C9: variants seen among roughly 807,000 people sequenced by gnomAD.
C9 encodes complement C9.
In C9, 63 loss-of-function variants were observed where a neutral mutation model predicts 65.4. That is an observed-to-expected ratio of 0.96 (90% confidence interval 0.79 to 1.19). The LOEUF (loss-of-function observed/expected upper bound fraction) is 1.19. Ranked by LOEUF, C9 falls within the 50% of genes most tolerant of loss-of-function variation. C9 has a pLI of 0.00. For synonymous variants in C9, 229 were observed against 227.9 expected (o/e 1.00, Z -0.04); for missense variants, 744 against 670.1 (o/e 1.11, Z -1.22).
intron 9 of C9, among the ~76,000 whole-genome samples, chr5:39,304,546 A>G (rs1434141323): frequency 6.6e-6 from 1 of 152,164 alleles, no homozygotes; most frequent in Non-Finnish European, 1.5e-5. Flanking sequence ...AAATTTAACT[A>G]TATCTCATGT....
chr5:39,308,232 GCTCTACC>G lies in C9; in HGVS notation c.1231_1237del (p.Gly411LeufsTer2). 1 of 1,613,036 alleles carries G rather than the reference GCTCTACC, an allele frequency of 6.2e-7. No individual in the cohort carries two copies. Among genetic ancestry groups the G allele is most frequent in the Non-Finnish European group, 8.5e-7 (1 of 1,179,166 alleles). ...CTAACAAGTGAGGCCACACTTACCAGCTCTACCCTCTCCCCTCTTTACACAATCATCT... is the reference window on the plus strand; with the variant it reads ...CTAACAAGTGAGGCCACACTTACCAGCTCTCCCCTCTTTACACAATCATCT... On this transcript the variant is annotated frameshift_variant, in exon 8 of 11. Transcript: ENST00000263408. LOFTEE classifies it high-confidence loss of function.
chr5:39,330,768 A>C (rs1753825488), intron 5 of C9, among the ~76,000 whole-genome samples: 1 of 152,216 alleles, frequency 6.6e-6, no homozygotes, highest in African/African-American at 2.4e-5. Flanking sequence ...GTGAAAAAAA[A>C]CATGCCAGTC....
At chr5:39,296,433 C>T (rs1040959392) in intron 9 of C9, among the ~76,000 whole-genome samples, 1 of 151,008 alleles carries the variant, frequency 6.6e-6, no homozygotes, top group Admixed American at 6.6e-5. Context: ...CAATATCAAA[C>T]GGATAAAAAT....
intron 9 of C9, among the ~76,000 whole-genome samples, chr5:39,296,885 AC>A (rs1213199054): frequency 1.4e-4 from 21 of 151,456 alleles, no homozygotes; most frequent in African/African-American, 4.8e-4. Context: ...TAAAAAAAAA[AC>A]TGATCTCATA....
rs145849527 is a variant in C9 at position 39,343,905 on chromosome 5, G to A, written c.78-1709C>T. 8.4e-3 allele frequency among the ~76,000 whole-genome samples: 1,276 copies of A among 152,308 alleles called. 8 individuals carry two copies. Among genetic ancestry groups the A allele is most frequent in the Non-Finnish European group, 0.012 (814 of 68,032 alleles). On this transcript the variant is annotated intron_variant, in intron 1 of 10. Transcript: ENST00000263408. ...CTGCAGCCTCCGCCACTGATACCCAGCAAACACGGTCTGGAGTGGACCTCT... is the reference window on the plus strand; with the variant it reads ...CTGCAGCCTCCGCCACTGATACCCAACAAACACGGTCTGGAGTGGACCTCT...
At chr5:39,290,760 T>C (rs1753077647) in intron 9 of C9, among the ~76,000 whole-genome samples, 1 of 151,746 alleles carries the variant, frequency 6.6e-6, no homozygotes, top group Non-Finnish European at 1.5e-5. Context: ...CAAGAGTTAG[T>C]AGAGAGACTA....
chr5:39,323,191 A>C (rs369248140), intron 5 of C9, among the ~76,000 whole-genome samples: 82 of 152,190 alleles, frequency 5.4e-4, no homozygotes, highest in African/African-American at 2.0e-3. Flanking sequence ...CCCATGAAAG[A>C]AAAGCCCAGA....
chr5:39,293,775 G>A (rs1040989135), intron 9 of C9, among the ~76,000 whole-genome samples: 1 of 151,786 alleles, frequency 6.6e-6, no homozygotes, highest in African/African-American at 2.4e-5. Context: ...TCAGTGCGTG[G>A]AACATTTTCC....
rs1348013614 is a variant in C9 at position 39,313,618 on chromosome 5, A to G, written c.870+2157T>C. Among the ~76,000 whole-genome samples, 7 of 152,204 alleles carry G rather than the reference A, an allele frequency of 4.6e-5. No individual in the cohort carries two copies. The East Asian group carries it at 1.2e-3, about 25-fold the overall frequency. Reference sequence around the variant, plus strand: ...CCAGCGATGCTGATGCTGCTGTTCCATAGACCACACTCTAAGTAGCAAAGT... The same window carrying G: ...CCAGCGATGCTGATGCTGCTGTTCCGTAGACCACACTCTAAGTAGCAAAGT... On this transcript the variant is annotated intron_variant, in intron 6 of 10. Coordinates refer to ENST00000263408, the MANE Select transcript of C9 (RefSeq NM_001737.5).
chr5:39,303,634 G>T (rs577634536), intron 9 of C9, among the ~76,000 whole-genome samples: 1 of 151,480 alleles, frequency 6.6e-6, no homozygotes, highest in Non-Finnish European at 1.5e-5. Flanking sequence ...ATTCCACTTA[G>T]AGTAAAACAG....
At chr5:39,298,975 G>A (rs1753235940) in intron 9 of C9, among the ~76,000 whole-genome samples, 1 of 151,688 alleles carries the variant, frequency 6.6e-6, no homozygotes, top group Admixed American at 6.6e-5. Context: ...AAAATTCTTG[G>A]ACAAAATTCA....
At chr5:39,348,843 A>G (rs1754262038) in intron 1 of C9, among the ~76,000 whole-genome samples, 1 of 152,210 alleles carries the variant, frequency 6.6e-6, no homozygotes, top group East Asian at 1.9e-4. Context: ...ATGCAGCCAT[A>G]AAAAAGGATG....
intron 4 of C9, 92 bp downstream of exon 4, chr5:39,341,054 C>T (rs1045591769): frequency 4.3e-6 from 6 of 1,403,840 alleles, no homozygotes; most frequent in African/African-American, 1.4e-5. Flanking sequence ...CTATGTCCCT[C>T]GCACAAATGC....
intron 9 of C9, among the ~76,000 whole-genome samples, chr5:39,294,446 A>T (rs1753148891): frequency 6.6e-6 from 1 of 151,914 alleles, no homozygotes; most frequent in African/African-American, 2.4e-5. Flanking sequence ...CTATAAACCA[A>T]TAAATGTAAA....
chr5:39,339,653 T>C (rs1260646698), intron 4 of C9, among the ~76,000 whole-genome samples: 10 of 6,344 alleles, frequency 1.6e-3, no homozygotes, highest in African/African-American at 3.2e-3. Context: ...TTTTCTCTCT[T>C]TTTTTTTTTT....
In C9 at chr5:39,311,404, G is replaced by T. The variant is rs1362798; in HGVS notation, c.871-27C>A. ...TGTGTTGTAGAGCAGATGAAGAAGA[G>T]AAACATGTGTTTTATCCACCATTTC... On this transcript the variant is annotated intron_variant, in intron 6 of 10. Coordinates refer to ENST00000263408, the MANE Select transcript of C9 (RefSeq NM_001737.5). 6,569 of 1,605,434 alleles carry T rather than the reference G, an allele frequency of 4.1e-3. 224 individuals are homozygous for T. The African/African-American group carries it at 0.076, about 19-fold the overall frequency.
intron 4 of C9, among the ~76,000 whole-genome samples, chr5:39,335,736 G>A (rs1753951760): frequency 6.6e-6 from 1 of 152,128 alleles, no homozygotes; most frequent in Non-Finnish European, 1.5e-5. Context: ...CAAATGAGGG[G>A]TACATGTGAG....
At chr5:39,326,591 G>T (rs1343463424) in intron 5 of C9, among the ~76,000 whole-genome samples, 1 of 152,110 alleles carries the variant, frequency 6.6e-6, no homozygotes, top group Non-Finnish European at 1.5e-5. Context: ...ATTTATTATG[G>T]CACATGAGTG....
chr5:39,345,509 C>T (rs1479337906), intron 1 of C9, among the ~76,000 whole-genome samples: 2 of 151,854 alleles, frequency 1.3e-5, no homozygotes, highest in Non-Finnish European at 2.9e-5. Context: ...ACAGGAGCAC[C>T]CAGATTCATA....
Sources: gnomAD v4.1 joint callset for allele counts (sites outside exome capture counted in the v4.1 genomes callset) on GRCh38, gnomAD v4.1.1 for gene constraint, MANE v1.5 for transcripts, NCBI Gene and HGNC (gene_info 2026-07-23, HGNC 2026-07-21) for gene names.